Variants in SMS observed in about 807,000 individuals in gnomAD.
The protein encoded by SMS is spermine synthase, also known as spermidine aminopropyltransferase.
Under a neutral mutation model 33.0 loss-of-function variants are expected in SMS, and 3 were observed. The observed-to-expected ratio is 0.09, with a 90% CI of 0.04 to 0.23. SMS has a LOEUF of 0.23. SMS is among the 10% of genes least tolerant of loss of function. SMS has a pLI of 1.00. For synonymous variants in SMS, 103 were observed against 112.2 expected, an observed-to-expected ratio of 0.92 and a Z score of 0.52; for missense variants, 117 against 288.6, an observed-to-expected ratio of 0.41 and a Z score of 4.31.
intron 1 of SMS, among the ~76,000 whole-genome samples, chrX:21,966,910 G>A (rs191627485): frequency 3.4e-4 from 38 of 110,715 alleles, no homozygotes; most frequent in African/African-American, 7.5e-4. Context: ...CATCCTTGGC[G>A]CAGCTATTTG....
intron 9 of SMS, among the ~76,000 whole-genome samples, chrX:21,988,295 T>A (rs977905988): frequency 9.0e-6 from 1 of 111,531 alleles, no homozygotes; most frequent in Admixed American, 9.6e-5. Flanking sequence ...TTTTTTTAAC[T>A]GCCAGGTGAC....
chrX:21,991,334 C>T (rs1054271516), intron 9 of SMS, among the ~76,000 whole-genome samples: 5 of 111,004 alleles, frequency 4.5e-5, no homozygotes, highest in South Asian at 3.8e-4. Context: ...CATGCCACCA[C>T]GCCTGGCTAA....
At chrX:21,984,078 G>C in intron 7 of SMS, among the ~76,000 whole-genome samples, 1 of 111,359 alleles carries the variant, frequency 9.0e-6, no homozygotes, top group Non-Finnish European at 1.9e-5. Flanking sequence ...CTCTAGGATT[G>C]TTGTTTTATT....
intron 1 of SMS, among the ~76,000 whole-genome samples, chrX:21,958,079 T>C (rs1169565892): frequency 8.9e-6 from 1 of 111,865 alleles, no homozygotes; most frequent in Non-Finnish European, 1.9e-5. Context: ...TGTTTGATGA[T>C]TATTTCTTTG....
intron 1 of SMS, among the ~76,000 whole-genome samples, chrX:21,966,874 T>G (rs547390258): frequency 9.0e-6 from 1 of 110,674 alleles, no homozygotes. Context: ...TATTTTGTTA[T>G]GCTGTCTCTA....
At position 21,992,581 on chromosome X, in the gene SMS, T is replaced by C. The variant is rs1358373336; in HGVS notation, c.946-16T>C. On this transcript the variant is annotated splice_polypyrimidine_tract_variant and intron_variant, in intron 9 of 10. Transcript: ENST00000404933. ...AGGACTCAAGAATCCCATTTGCTTA[T>C]CTCTCTTTGATTTAGGGGAACTGTG... is the stretch of plus-strand genomic sequence containing the variant. 4 of 1,096,036 alleles carry C rather than the reference T, an allele frequency of 3.6e-6. No individual in the cohort carries two copies. Among genetic ancestry groups the C allele is most frequent in the Non-Finnish European group, 5.0e-6 (4 of 792,468 alleles). The allele number at this position is 1,096,036 out of a possible 1,213,427, so 90.3% of individuals were successfully genotyped here.
chrX:21,965,601 A>AAAAAAAAAAAT (rs61352909), intron 1 of SMS, among the ~76,000 whole-genome samples: 1 of 101,279 alleles, frequency 9.9e-6, no homozygotes, highest in Non-Finnish European at 2.0e-5. Flanking sequence ...AAAAAAAAAA[A>AAAAAAAAAAAT]GCCGGGCGTG....
At chrX:21,962,148 A>G (rs747767193) in intron 1 of SMS, among the ~76,000 whole-genome samples, 1 of 111,934 alleles carries the variant, frequency 8.9e-6, no homozygotes, top group South Asian at 3.8e-4. Context: ...TTTATTGACA[A>G]GCAAGGGCAT....
intron 1 of SMS, among the ~76,000 whole-genome samples, chrX:21,948,913 C>A (rs1199307725): frequency 1.8e-5 from 2 of 111,965 alleles, no homozygotes; most frequent in African/African-American, 6.5e-5. Context: ...AGTCAGAAAA[C>A]CTCCTCAATT....
intron 1 of SMS, among the ~76,000 whole-genome samples, chrX:21,965,595 A>AC (rs1272248798): frequency 9.9e-6 from 1 of 100,669 alleles, no homozygotes; most frequent in Non-Finnish European, 2.0e-5. Context: ...AAAAAAAAAA[A>AC]AAAAAAGCCG....
At chrX:21,974,243 A>C (rs1397848392) in intron 4 of SMS, among the ~76,000 whole-genome samples, 3 of 112,663 alleles carry the variant, frequency 2.7e-5, no homozygotes, top group African/African-American at 9.7e-5. Flanking sequence ...GAGCAGATGT[A>C]AGATAACTAG....
chrX:21,967,399 C>G lies in SMS; in HGVS notation c.170+83C>G, dbSNP rs190564737. On this transcript the variant is annotated intron_variant, in intron 2 of 10. Coordinates refer to ENST00000404933, the MANE Select transcript of SMS (RefSeq NM_004595.5). ...CAGAGTGGAGGATGGGGGTGGCATC[C>G]GGCATTTTTTTTTCTCCTTTGACAT... is the stretch of plus-strand genomic sequence containing the variant. The G allele has an allele frequency of 7.9e-5, 85 of 1,073,654 alleles. No individual in the cohort carries two copies. The East Asian group carries it at 2.7e-3, about 34-fold the overall frequency. 88.5% of individuals were successfully genotyped at this position (1,073,654 alleles called of 1,213,427 possible).
At chrX:21,965,365 G>A (rs765001819) in intron 1 of SMS, among the ~76,000 whole-genome samples, 3 of 110,787 alleles carry the variant, frequency 2.7e-5, no homozygotes, top group Middle Eastern at 4.6e-3. Flanking sequence ...GACTGGGTGC[G>A]GTGGTCCACG....
intron 7 of SMS, 120 bp from the exon 8 acceptor site, chrX:21,984,184 G>A (rs1443322781): frequency 2.0e-5 from 11 of 553,189 alleles, no homozygotes; most frequent in Non-Finnish European, 2.9e-5. Flanking sequence ...AGCAGTTGCT[G>A]TGGATAGCTG....
At chrX:21,981,630 T>G (rs1047081587) in intron 7 of SMS, among the ~76,000 whole-genome samples, 1 of 112,073 alleles carries the variant, frequency 8.9e-6, no homozygotes. Context: ...TGGTCTAAGA[T>G]ACATTTCAGT....
intron 1 of SMS, among the ~76,000 whole-genome samples, chrX:21,953,755 T>A (rs1238796648): frequency 5.3e-5 from 6 of 112,388 alleles, no homozygotes; most frequent in Admixed American, 9.4e-5. Flanking sequence ...CACAGTGATA[T>A]CTCCTGTTAT....
intron 4 of SMS, among the ~76,000 whole-genome samples, chrX:21,974,106 C>T (rs1924376217): frequency 1.8e-5 from 2 of 112,350 alleles, no homozygotes; most frequent in South Asian, 3.6e-4. Flanking sequence ...TGCTGAGCAA[C>T]GGAAATACAG....
At chrX:21,967,385 A>T in intron 2 of SMS, 69 bp downstream of exon 2, 2 of 1,125,971 alleles carry the variant, frequency 1.8e-6, no homozygotes, top group Non-Finnish European at 1.2e-6. Context: ...AGAGTGGAGG[A>T]TGGGGGTGGC....
intron 4 of SMS, among the ~76,000 whole-genome samples, chrX:21,975,091 G>A (rs902046953): frequency 2.3e-4 from 25 of 110,983 alleles, no homozygotes; most frequent in African/African-American, 8.2e-4. Flanking sequence ...ATTTTAAAAG[G>A]TTCTTGCAAT....
Sources: gnomAD v4.1 joint callset for allele counts (sites outside exome capture counted in the v4.1 genomes callset) on GRCh38, gnomAD v4.1.1 for gene constraint, MANE v1.5 for transcripts, NCBI Gene and HGNC (gene_info 2026-07-23, HGNC 2026-07-21) for gene names.